Variants in NCOA2 observed in about 807,000 individuals in gnomAD.
NCOA2 encodes the protein nuclear receptor coactivator 2.
In NCOA2, 21 loss-of-function variants were observed where a neutral mutation model predicts 145.1. The observed-to-expected ratio is 0.14, with a 90% CI of 0.10 to 0.21. The LOEUF is 0.21. Ranked by LOEUF, NCOA2 falls within the 10% of genes least tolerant of loss-of-function variation. The pLI, the probability that NCOA2 is intolerant of heterozygous loss-of-function variation, is 1.00. For synonymous variants in NCOA2, 619 were observed against 637.5 expected (o/e 0.97, Z 0.44); for missense variants, 1,472 against 1,837.6 (o/e 0.80, Z 3.64).
At chr8:70,349,801 TCA>T (rs2130796098) in intron 1 of NCOA2, among the ~76,000 whole-genome samples, 1 of 152,290 alleles carries the variant, frequency 6.6e-6, no homozygotes, top group East Asian at 1.9e-4. Flanking sequence ...AAAAATTTGT[TCA>T]GTCTATATCC....
chr8:70,229,370 C>T (rs1428418991), intron 2 of NCOA2, among the ~76,000 whole-genome samples: 1 of 152,032 alleles, frequency 6.6e-6, no homozygotes. Context: ...AAAGTGCTAA[C>T]GAAGGAAAAA....
At chr8:70,159,244 T>TATATATATATATATGTATGTATATATA in intron 10 of NCOA2, among the ~76,000 whole-genome samples, 6 of 69,284 alleles carry the variant, frequency 8.7e-5, no homozygotes, top group Admixed American at 1.8e-4. Flanking sequence ...ATATATATAT[T>TATATATATATATATGTATGTATATATA]TTTTTTTTTT....
intron 21 of NCOA2, among the ~76,000 whole-genome samples, chr8:70,122,654 A>G (rs1807953686): frequency 6.6e-6 from 1 of 152,250 alleles, no homozygotes; most frequent in Admixed American, 6.5e-5. Context: ...CTACAAGCAC[A>G]CAACCTTCTT....
intron 1 of NCOA2, among the ~76,000 whole-genome samples, chr8:70,349,175 C>T (rs1808949936): frequency 6.6e-6 from 1 of 151,848 alleles, no homozygotes; most frequent in Non-Finnish European, 1.5e-5. Context: ...ACAGTATAGT[C>T]CCTACTATTA....
chr8:70,303,506 T>TA (rs1324358916), intron 1 of NCOA2, among the ~76,000 whole-genome samples: 2 of 152,140 alleles, frequency 1.3e-5, no homozygotes, highest in Non-Finnish European at 2.9e-5. Flanking sequence ...AATGGAGAGA[T>TA]AAAGATATAA....
At chr8:70,246,800 G>T (rs1488055901) in intron 2 of NCOA2, among the ~76,000 whole-genome samples, 1 of 151,962 alleles carries the variant, frequency 6.6e-6, no homozygotes, top group Non-Finnish European at 1.5e-5. Context: ...CATATAAGTG[G>T]AATCATACAT....
At chr8:70,195,196 G>C (rs543643888) in intron 4 of NCOA2, among the ~76,000 whole-genome samples, 1 of 152,316 alleles carries the variant, frequency 6.6e-6, no homozygotes, top group African/African-American at 2.4e-5. Context: ...TTTTGACAGA[G>C]TATATGTGAC....
chr8:70,436,033 A>T, the NCOA2 span, among the ~76,000 whole-genome samples: 1 of 152,116 alleles, frequency 6.6e-6, no homozygotes, highest in Non-Finnish European at 1.5e-5. Flanking sequence ...GAATGAATTG[A>T]CTTCATATAA....
the NCOA2 span, among the ~76,000 whole-genome samples, chr8:70,446,611 A>AT: frequency 2.0e-5 from 3 of 151,706 alleles, no homozygotes; most frequent in African/African-American, 4.8e-5. Context: ...GTAAATCCCT[A>AT]TTTTTTTCCC....
chr8:70,342,774 T>TACACACAC (rs370685018), intron 1 of NCOA2, among the ~76,000 whole-genome samples: 139 of 124,126 alleles, frequency 1.1e-3, no homozygotes, highest in South Asian at 2.0e-3. Flanking sequence ...CTTTTGCAAT[T>TACACACAC]ACACACACAC....
chr8:70,385,634 G>C (rs1812592206), intron 1 of NCOA2, among the ~76,000 whole-genome samples: 1 of 152,008 alleles, frequency 6.6e-6, no homozygotes, highest in Admixed American at 6.6e-5. Flanking sequence ...CACTATGTTG[G>C]GCAGGCTGGT....
In NCOA2 at chr8:70,280,087, A is replaced by G. The variant is rs1034623436; in HGVS notation, c.-20+16657T>C. Reference sequence around the variant, plus strand: ...AGTCTACCTTAGGCATTAAGAGACTATACCTACCTTTCAAGCATCTGCCAT... The same window carrying G: ...AGTCTACCTTAGGCATTAAGAGACTGTACCTACCTTTCAAGCATCTGCCAT... On this transcript the variant is annotated intron_variant, in intron 2 of 22. Transcript: ENST00000452400. 3.3e-5 allele frequency among the ~76,000 whole-genome samples: 5 copies of G among 152,194 alleles called. No individual in the cohort carries two copies. The East Asian group carries it at 7.7e-4, about 23-fold the overall frequency.
intron 2 of NCOA2, among the ~76,000 whole-genome samples, chr8:70,232,955 G>C (rs994419694): frequency 1.3e-5 from 2 of 151,646 alleles, no homozygotes; most frequent in Non-Finnish European, 2.9e-5. Context: ...GGCCAGGCGC[G>C]GTAGCTCATG....
At chr8:70,405,381 CCTAT>C (rs1044880376), upstream of NCOA2, among the ~76,000 whole-genome samples, 8 of 144,726 alleles carry the variant, frequency 5.5e-5, no homozygotes, top group South Asian at 2.2e-4. Context: ...ATTTTGCACA[CCTAT>C]CTAATGTTTG....
chr8:70,210,587 T>C (rs1042938409), intron 4 of NCOA2, among the ~76,000 whole-genome samples: 2 of 152,340 alleles, frequency 1.3e-5, no homozygotes, highest in South Asian at 4.1e-4. Flanking sequence ...TTTAACTAGC[T>C]GGTAATTTCC....
intron 1 of NCOA2, among the ~76,000 whole-genome samples, chr8:70,349,004 G>C (rs1415706116): frequency 7.2e-6 from 1 of 138,980 alleles, no homozygotes; most frequent in African/African-American, 2.6e-5. Flanking sequence ...TGGGGGGCAT[G>C]GCAGTGGGGG....
chr8:70,308,193 T>C (rs539514024), intron 1 of NCOA2, among the ~76,000 whole-genome samples: 170 of 152,276 alleles, frequency 1.1e-3, no homozygotes, highest in Non-Finnish European at 1.9e-3. Context: ...TTTCAGTAAA[T>C]GTGAAGAATC....
intron 1 of NCOA2, among the ~76,000 whole-genome samples, chr8:70,393,340 G>A (rs938495508): frequency 5.3e-5 from 8 of 152,120 alleles, no homozygotes; most frequent in African/African-American, 1.7e-4. Context: ...TTAAGGATTC[G>A]GATTAAACGG....
chr8:70,138,634 T>A (rs1381278971), intron 14 of NCOA2, among the ~76,000 whole-genome samples: 1 of 152,230 alleles, frequency 6.6e-6, no homozygotes, highest in East Asian at 1.9e-4. Context: ...GTACTGGAAA[T>A]TGAAATTGAG....
Sources: gnomAD v4.1 joint callset for allele counts (sites outside exome capture counted in the v4.1 genomes callset) on GRCh38, gnomAD v4.1.1 for gene constraint, MANE v1.5 for transcripts, NCBI Gene and HGNC (gene_info 2026-07-23, HGNC 2026-07-21) for gene names.